Variants in PIEZO2 observed in about 807,000 individuals in gnomAD.
PIEZO2 encodes the protein piezo-type mechanosensitive ion channel component 2.
Under a neutral mutation model 337.3 loss-of-function variants are expected in PIEZO2, and 172 were observed. That is an observed-to-expected ratio of 0.51 (90% CI 0.45 to 0.58). The LOEUF is 0.58. Among genes scored for constraint, PIEZO2 ranks in the 20% least tolerant of loss-of-function variants. PIEZO2 has a pLI of 0.00. For missense variants in PIEZO2, 3,028 were observed against 3,391.3 expected (o/e 0.89, Z 2.66); for synonymous variants, 1,251 against 1,228.5 (o/e 1.02, Z -0.38).
chr18:10,782,591 G>A (rs1226405669), intron 17 of PIEZO2, among the ~76,000 whole-genome samples: 7 of 145,584 alleles, frequency 4.8e-5, no homozygotes, highest in Non-Finnish European at 1.0e-4. Context: ...ACTCTTCAGA[G>A]AACTGGCATT....
intron 2 of PIEZO2, among the ~76,000 whole-genome samples, chr18:10,999,060 C>A (rs1292201669): frequency 1.3e-5 from 2 of 151,674 alleles, no homozygotes; most frequent in Admixed American, 6.6e-5. Context: ...ATCCATGGTT[C>A]TTTGGAGTGT....
intron 3 of PIEZO2, among the ~76,000 whole-genome samples, chr18:10,930,395 T>C (rs541661745): frequency 1.3e-5 from 2 of 152,326 alleles, no homozygotes; most frequent in East Asian, 1.9e-4. Flanking sequence ...TTTCAACCAA[T>C]TGCCAATCAG....
At chr18:11,036,712 C>T (rs966162468) in intron 2 of PIEZO2, among the ~76,000 whole-genome samples, 4 of 151,820 alleles carry the variant, frequency 2.6e-5, no homozygotes, top group African/African-American at 4.8e-5. Flanking sequence ...TTGTGTTATG[C>T]GATAAATTTG....
chr18:11,010,429 C>T (rs1345661919), intron 2 of PIEZO2, among the ~76,000 whole-genome samples: 2 of 152,142 alleles, frequency 1.3e-5, no homozygotes, highest in African/African-American at 4.8e-5. Flanking sequence ...TGACAGACAC[C>T]TAATCACACA....
intron 11 of PIEZO2, among the ~76,000 whole-genome samples, chr18:10,798,770 A>G (rs1370135002): frequency 6.6e-6 from 1 of 152,204 alleles, no homozygotes; most frequent in African/African-American, 2.4e-5. Flanking sequence ...GTCAGAAGCC[A>G]CAGATGCTGA....
Position 11,024,172 on chromosome 18 carries a change from C to T in PIEZO2, c.160+41955G>A, listed in dbSNP as rs534546676. Among the ~76,000 whole-genome samples, 75 of 152,266 alleles carry T rather than the reference C, an allele frequency of 4.9e-4. No homozygotes were observed. The South Asian group carries it at 0.014, about 28-fold the overall frequency. On this transcript the variant is annotated intron_variant, in intron 2 of 55. Transcript: ENST00000674853. ...AGGCCGCAGAGGCACCGAAAGCGAGCGAGGGTGCACACTGTCACCTCTCAC... is the reference window on the plus strand; with the variant it reads ...AGGCCGCAGAGGCACCGAAAGCGAGTGAGGGTGCACACTGTCACCTCTCAC...
chr18:10,981,891 AC>A (rs2034680823), intron 2 of PIEZO2, among the ~76,000 whole-genome samples: 1 of 152,104 alleles, frequency 6.6e-6, no homozygotes, highest in Non-Finnish European at 1.5e-5. Flanking sequence ...GGACTCCTGG[AC>A]CCACACCAGT....
rs2035476106 is a variant in PIEZO2, at chr18:10,704,401, T to A, written c.6251A>T (p.Tyr2084Phe). The change falls in exon 42 of 56, where the codon TAT (tyrosine) becomes TTT (phenylalanine). Residue 2084 changes from tyrosine (Y) to phenylalanine (F), a missense_variant. Transcript: ENST00000674853. ...GTCTGCGTCCAGGCCTACCTCAGTA[T>A]AGACGATGGCCATCATCCAGAACCG... The part of the protein sequence containing the change: ...SRRFWMMAIV[Y>F]TEVAIVVKYF... 6.5e-7 allele frequency: 1 copy of A among 1,537,140 alleles called. No individual in the cohort carries two copies. Among genetic ancestry groups the A allele is most frequent in the Non-Finnish European group, 8.7e-7 (1 of 1,146,896 alleles).
Position 10,942,848 on chromosome 18 carries a change from C to T in PIEZO2, c.287-31620G>A, listed in dbSNP as rs78061084. Among the ~76,000 whole-genome samples the T allele has an allele frequency of 1.9e-3, 282 of 152,258 alleles. 1 individual carries two copies. Among genetic ancestry groups the T allele is most frequent in the African/African-American group, 6.3e-3 (262 of 41,560 alleles). On this transcript the variant is annotated intron_variant, in intron 3 of 55. Coordinates refer to ENST00000674853, the MANE Select transcript of PIEZO2 (RefSeq NM_001378183.1). The surrounding 1 kb of genome is among the most constrained non-coding windows in gnomAD (Gnocchi z 4.4). Reference sequence around the variant, plus strand: ...AAAACAAGTGATTTAGTAGGCCAGGCTCAGGGTCCCCGTGCTGTGTGCAGC... The same window carrying T: ...AAAACAAGTGATTTAGTAGGCCAGGTTCAGGGTCCCCGTGCTGTGTGCAGC...
At chr18:10,916,582 G>C (rs1008658030) in intron 3 of PIEZO2, among the ~76,000 whole-genome samples, 27 of 152,136 alleles carry the variant, frequency 1.8e-4, no homozygotes, top group Admixed American at 1.2e-3. Context: ...TCTGAGTGTG[G>C]GGTCCGTGAG....
Position 10,807,189 on chromosome 18 carries a change from G to C in PIEZO2, c.1003C>G (p.His335Asp), listed in dbSNP as rs763439232. ...IVNPDLSWYH[H>D]ANPILLLVMY... is the part of the protein sequence containing the mutation. Reference sequence around the variant, plus strand: ...ACCAGCAGGAGGATAGGGTTGGCGTGGTGGTACCACGACAGGTCCGGGTTC... The same window carrying C: ...ACCAGCAGGAGGATAGGGTTGGCGTCGTGGTACCACGACAGGTCCGGGTTC... The change falls in exon 8 of 56, where the codon CAC becomes GAC. Residue 335 changes from histidine (H) to aspartate (D), a missense_variant. By Grantham distance (81) the His-to-Asp change is moderately conservative. Around this residue, in one of 5 missense-constraint regions of PIEZO2, gnomAD observed 542 missense variants for 605.6 expected, o/e 0.89. Transcript: ENST00000674853. 3 of 1,537,162 alleles carry C rather than the reference G, an allele frequency of 2.0e-6. No homozygotes were observed. The South Asian group carries it at 3.6e-5, about 18-fold the overall frequency.
At chr18:10,802,694 G>C (rs538424050) in intron 9 of PIEZO2, among the ~76,000 whole-genome samples, 1 of 152,258 alleles carries the variant, frequency 6.6e-6, no homozygotes, top group East Asian at 1.9e-4. Context: ...TTAGTGCCGG[G>C]CGCAGTGACT....
At chr18:11,056,392 C>A (rs2145874270) in intron 2 of PIEZO2, among the ~76,000 whole-genome samples, 1 of 152,324 alleles carries the variant, frequency 6.6e-6, no homozygotes, top group Non-Finnish European at 1.5e-5. Flanking sequence ...AGAAGAAATT[C>A]TCACAGAGAG....
At chr18:11,011,835 A>G (rs2625355) in intron 2 of PIEZO2, among the ~76,000 whole-genome samples, 81,949 of 152,028 alleles carry the variant, frequency 0.54, 22,375 homozygotes, top group African/African-American at 0.61. Context: ...GAACCACATG[A>G]CCAGGTGCAG....
chr18:10,835,226 CCAAA>C (rs1350431812), intron 7 of PIEZO2, among the ~76,000 whole-genome samples: 2 of 152,080 alleles, frequency 1.3e-5, no homozygotes, highest in South Asian at 2.1e-4. Flanking sequence ...TTATAACAGC[CCAAA>C]CAGTCTTTGC....
At chr18:10,968,996 A>T (rs2034129161) in intron 3 of PIEZO2, among the ~76,000 whole-genome samples, 1 of 152,192 alleles carries the variant, frequency 6.6e-6, no homozygotes, top group Non-Finnish European at 1.5e-5. Flanking sequence ...AAATCCACCT[A>T]CCTAAGCCCT....
chr18:11,042,163 A>G (rs76105557), intron 2 of PIEZO2, among the ~76,000 whole-genome samples: 5,373 of 152,316 alleles, frequency 0.035, 144 homozygotes, highest in Middle Eastern at 0.061. Flanking sequence ...CACACAAGGA[A>G]AAGCCTGCCT....
chr18:10,873,223 A>G (rs12454132), intron 4 of PIEZO2, among the ~76,000 whole-genome samples: 40,890 of 151,970 alleles, frequency 0.27, 5,740 homozygotes, highest in Non-Finnish European at 0.32. Context: ...AATACCTACC[A>G]TTTTCTGAGC....
intron 39 of PIEZO2, among the ~76,000 whole-genome samples, chr18:10,710,638 T>G (rs1407321451): frequency 3.3e-5 from 5 of 152,216 alleles, no homozygotes; most frequent in African/African-American, 1.2e-4. Flanking sequence ...GTCTACTGTC[T>G]GCTTAAAGGT....
Sources: gnomAD v4.1 joint callset for allele counts (sites outside exome capture counted in the v4.1 genomes callset) on GRCh38, gnomAD v4.1.1 for gene constraint, gnomAD v4.1.1 regional missense constraint, Gnocchi (gnomAD v3.1) non-coding constraint, MANE v1.5 for transcripts, NCBI Gene and HGNC (gene_info 2026-07-23, HGNC 2026-07-21) for gene names.